Variants in SUCLG2 observed in about 807,000 individuals in gnomAD.
The protein encoded by SUCLG2 is succinate--CoA ligase [GDP-forming] subunit beta, mitochondrial.
SUCLG2 carries 42 observed loss-of-function variants against 47.9 expected under a neutral mutation model. The observed-to-expected ratio is 0.88, with a 90% CI of 0.69 to 1.14. The LOEUF is 1.14. Ranked by LOEUF, SUCLG2 falls within the 50% of genes most tolerant of loss-of-function variation. The probability of loss-of-function intolerance (pLI) is 0.00; values close to 1 mark genes in which losing one functional copy is unlikely to be tolerated. For synonymous variants in SUCLG2, 195 were observed against 197.3 expected, an observed-to-expected ratio of 0.99 and a Z score of 0.10; for missense variants, 571 against 525.9, an observed-to-expected ratio of 1.09 and a Z score of -0.84.
chr3:67,594,803 T>C (rs1453790286), intron 2 of SUCLG2, among the ~76,000 whole-genome samples: 1 of 152,246 alleles, frequency 6.6e-6, no homozygotes, highest in Non-Finnish European at 1.5e-5. Flanking sequence ...ATAGTAAAGC[T>C]ATAGATGACT....
rs113119377 is a variant in SUCLG2, at chr3:67,475,988, C to CCTCT, written c.1062+19806_1062+19809dup. On this transcript the variant is annotated intron_variant, in intron 9 of 10. Coordinates refer to ENST00000307227, the MANE Select transcript of SUCLG2 (RefSeq NM_003848.4). ...TGAGTATTCCTTCCCTTTCCTTCTC[C>CCTCT]CTCTCTCTCTCTCTCTCTCTCTCTC... Among the ~76,000 whole-genome samples the CCTCT allele has an allele frequency of 8.9e-3, 1,303 of 146,118 alleles. 10 individuals carry two copies. The highest frequency in any genetic ancestry group is 0.011 in the Non-Finnish European group (721 of 65,958).
chr3:67,531,475 C>T (rs1001314758), intron 2 of SUCLG2, among the ~76,000 whole-genome samples: 2 of 152,072 alleles, frequency 1.3e-5, no homozygotes, highest in African/African-American at 4.8e-5. Flanking sequence ...CACTAACCAT[C>T]AAGACACAGA....
chr3:67,576,195 C>G (rs1707737585), intron 2 of SUCLG2, among the ~76,000 whole-genome samples: 1 of 152,162 alleles, frequency 6.6e-6, no homozygotes, highest in African/African-American at 2.4e-5. Flanking sequence ...GAGTAGCAAA[C>G]AGATAACACA....
chr3:67,568,539 T>G (rs979999516), intron 2 of SUCLG2, among the ~76,000 whole-genome samples: 4 of 152,242 alleles, frequency 2.6e-5, no homozygotes, highest in Middle Eastern at 3.4e-3. Context: ...GAACACAAAC[T>G]TCAAATCATT....
intron 2 of SUCLG2, among the ~76,000 whole-genome samples, chr3:67,606,220 A>C (rs1028430280): frequency 6.6e-6 from 1 of 152,172 alleles, no homozygotes; most frequent in Non-Finnish European, 1.5e-5. Context: ...GAAGTAAAAA[A>C]TAAATACAAG....
intron 9 of SUCLG2, among the ~76,000 whole-genome samples, chr3:67,484,787 C>T (rs571470356): frequency 3.7e-4 from 56 of 152,214 alleles, no homozygotes; most frequent in African/African-American, 1.3e-3. Flanking sequence ...AAGGATACAT[C>T]TGATGATGGT....
At chr3:67,470,531 GGAT>G (rs1454881168) in intron 9 of SUCLG2, among the ~76,000 whole-genome samples, 1 of 152,212 alleles carries the variant, frequency 6.6e-6, no homozygotes, top group Non-Finnish European at 1.5e-5. Context: ...ATCCTCAAAT[GGAT>G]GAATGTCTTT....
chr3:67,591,474 C>T (rs950053971), intron 2 of SUCLG2, among the ~76,000 whole-genome samples: 1 of 152,058 alleles, frequency 6.6e-6, no homozygotes, highest in African/African-American at 2.4e-5. Context: ...TGGGAGGGAC[C>T]CAGGAGAGGT....
chr3:67,513,004 G>C (rs1438723767), intron 6 of SUCLG2, among the ~76,000 whole-genome samples: 1 of 149,610 alleles, frequency 6.7e-6, no homozygotes, highest in Non-Finnish European at 1.5e-5. Context: ...ATAGATACCA[G>C]ATATATAGAG....
intron 1 of SUCLG2, among the ~76,000 whole-genome samples, chr3:67,638,560 G>A (rs1189479239): frequency 6.6e-6 from 1 of 152,206 alleles, no homozygotes; most frequent in Non-Finnish European, 1.5e-5. Context: ...AAGTTTGGTG[G>A]ATAAAGAAAG....
At chr3:67,405,774 C>T (rs1461643737) in intron 9 of SUCLG2, among the ~76,000 whole-genome samples, 2 of 152,152 alleles carry the variant, frequency 1.3e-5, no homozygotes, top group Non-Finnish European at 2.9e-5. Flanking sequence ...GTACATAATC[C>T]TCTAGAGTTG....
chr3:67,374,654 G>A (rs1575654268), downstream of SUCLG2: 2 of 628,402 alleles, frequency 3.2e-6, no homozygotes. Flanking sequence ...TAAGACTAGT[G>A]TCTTTGTAAA....
At chr3:67,407,797 T>C (rs1702849320) in intron 9 of SUCLG2, among the ~76,000 whole-genome samples, 1 of 152,216 alleles carries the variant, frequency 6.6e-6, no homozygotes, top group Non-Finnish European at 1.5e-5. Context: ...TTATTTTAAT[T>C]CTGAATGTTG....
chr3:67,556,510 G>A (rs1275295809), intron 2 of SUCLG2, among the ~76,000 whole-genome samples: 2 of 152,148 alleles, frequency 1.3e-5, no homozygotes, highest in Non-Finnish European at 2.9e-5. Context: ...TCAAAATAGA[G>A]AATTAAATTT....
intron 2 of SUCLG2, among the ~76,000 whole-genome samples, chr3:67,548,040 C>G (rs751836595): frequency 4.6e-5 from 7 of 152,198 alleles, no homozygotes; most frequent in African/African-American, 7.2e-5. Context: ...TCACAATCAT[C>G]ACTTCCTTTA....
At position 67,400,764 on chromosome 3, in the gene SUCLG2, C is replaced by T. The variant is rs199589191; in HGVS notation, c.1150G>A (p.Glu384Lys). 2.8e-5 allele frequency: 45 copies of T among 1,611,776 alleles called. No individual in the cohort carries two copies. The African/African-American group carries it at 5.2e-4, about 19-fold the overall frequency. Residue 384 changes from glutamate (E) to lysine (K), a missense_variant, in exon 10 of 11, where the codon GAA becomes AAA. Physicochemically the swap from Glu to Lys is moderately conservative, Grantham distance 56. Coordinates refer to ENST00000307227, the MANE Select transcript of SUCLG2 (RefSeq NM_003848.4). ...CGGACCACCAGGGGCACCTTGAGTTCTAGCTCCCGGCAGGCTTTGGTGATC... is the reference window on the plus strand; with the variant it reads ...CGGACCACCAGGGGCACCTTGAGTTTTAGCTCCCGGCAGGCTTTGGTGATC... ...NGITKACREL[E>K]LKVPLVVRLE... is the part of the protein sequence containing the mutation.
intron 4 of SUCLG2, among the ~76,000 whole-genome samples, chr3:67,523,020 C>G (rs892583901): frequency 2.0e-5 from 3 of 152,048 alleles, no homozygotes; most frequent in Non-Finnish European, 2.9e-5. Context: ...AATCTCCTGA[C>G]CTCGTGATTC....
chr3:67,479,839 A>T (rs764159185), intron 9 of SUCLG2, among the ~76,000 whole-genome samples: 3 of 152,214 alleles, frequency 2.0e-5, no homozygotes, highest in Non-Finnish European at 4.4e-5. Context: ...GAGAAGGAAA[A>T]TAAAAGTCCT....
At chr3:67,420,122 T>A (rs779661164) in intron 9 of SUCLG2, among the ~76,000 whole-genome samples, 1 of 152,134 alleles carries the variant, frequency 6.6e-6, no homozygotes, top group Non-Finnish European at 1.5e-5. Flanking sequence ...ATACTTGCCA[T>A]CCTAAATTCA....
Sources: gnomAD v4.1 joint callset for allele counts (sites outside exome capture counted in the v4.1 genomes callset) on GRCh38, gnomAD v4.1.1 for gene constraint, MANE v1.5 for transcripts, NCBI Gene and HGNC (gene_info 2026-07-23, HGNC 2026-07-21) for gene names.